Variants in KCNC2 observed in about 807,000 individuals in gnomAD.
KCNC2 encodes potassium voltage-gated channel subfamily C member 2.
KCNC2 carries 21 observed loss-of-function variants against 44.5 expected under a neutral mutation model. That is an observed-to-expected ratio of 0.47 (90% CI 0.33 to 0.68). The LOEUF (loss-of-function observed/expected upper bound fraction) is 0.68. Ranked by LOEUF, KCNC2 falls within the 30% of genes least tolerant of loss-of-function variation. The pLI, the probability that KCNC2 is intolerant of heterozygous loss-of-function variation, is 0.01. For missense variants in KCNC2, 589 were observed against 826.2 expected (o/e 0.71, Z 3.52); for synonymous variants, 391 against 339.1 (o/e 1.15, Z -1.68).
chr12:75,064,808 T>G (rs1256001514), intron 2 of KCNC2, among the ~76,000 whole-genome samples: 2 of 152,020 alleles, frequency 1.3e-5, no homozygotes, highest in African/African-American at 4.8e-5. Context: ...AATATTTTCT[T>G]TTTATTGTTT....
chr12:75,111,018 T>C (rs892059766), intron 2 of KCNC2, among the ~76,000 whole-genome samples: 11 of 152,156 alleles, frequency 7.2e-5, no homozygotes, highest in Non-Finnish European at 1.2e-4. Context: ...GAACTTACTT[T>C]TAATGCAATA....
intron 2 of KCNC2, among the ~76,000 whole-genome samples, chr12:75,180,893 T>C (rs1478030148): frequency 1.3e-5 from 2 of 152,110 alleles, no homozygotes; most frequent in Non-Finnish European, 2.9e-5. Flanking sequence ...TTTCAATGTC[T>C]TCCATAGTTA....
At position 75,050,607 on chromosome 12, in the gene KCNC2, G is replaced by T; in HGVS notation, c.1398C>A (p.Ala466=). The T allele has an allele frequency of 6.2e-7, 1 of 1,613,410 alleles. No homozygotes were observed. The highest frequency in any genetic ancestry group is 8.5e-7 in the Non-Finnish European group (1 of 1,179,746). Residue 466 remains alanine, a synonymous_variant, in exon 3 of 5, where the codon GCC becomes GCA. Coordinates refer to ENST00000549446, the MANE Select transcript of KCNC2 (RefSeq NM_139137.4). ...LCALAGVLTI[A]MPVPVIVNNF... ...TATTGACAATGACAGGCACTGGCAT[G>T]GCTATTGTCAGCACTCCAGCCAGAG...
At chr12:75,129,543 T>G (rs1888680770) in intron 2 of KCNC2, among the ~76,000 whole-genome samples, 1 of 152,194 alleles carries the variant, frequency 6.6e-6, no homozygotes, top group South Asian at 2.1e-4. Context: ...GTGTGTGTAT[T>G]CTTTTGGTTC....
intron 2 of KCNC2, among the ~76,000 whole-genome samples, chr12:75,065,075 A>G (rs919087050): frequency 1.3e-5 from 2 of 152,124 alleles, no homozygotes; most frequent in Non-Finnish European, 2.9e-5. Flanking sequence ...AGAAACAAGT[A>G]TCAGTGAATT....
At chr12:75,091,152 T>C (rs10879886) in intron 2 of KCNC2, among the ~76,000 whole-genome samples, 61,564 of 151,572 alleles carry the variant, frequency 0.41, 15,577 homozygotes, top group Non-Finnish European at 0.58. Context: ...CCAGACATAT[T>C]ACAATACCAA....
At chr12:75,096,591 G>T (rs1885944999) in intron 2 of KCNC2, among the ~76,000 whole-genome samples, 1 of 151,958 alleles carries the variant, frequency 6.6e-6, no homozygotes, top group Admixed American at 6.6e-5. Context: ...TCAGAAGAAA[G>T]ACTGAGTGAC....
rs139770019 is a variant in KCNC2 at position 75,169,734 on chromosome 12, G to A, written c.687+37563C>T. Reference sequence around the variant, plus strand: ...CTTAGAGAAATTTGACAAATAAAGGGGGAAAATAGACTCAGAGAACAAGAG... The same window carrying A: ...CTTAGAGAAATTTGACAAATAAAGGAGGAAAATAGACTCAGAGAACAAGAG... On this transcript the variant is annotated intron_variant, in intron 2 of 4. Coordinates refer to ENST00000549446, the MANE Select transcript of KCNC2 (RefSeq NM_139137.4). 3.8e-3 allele frequency among the ~76,000 whole-genome samples: 570 copies of A among 151,376 alleles called. 2 individuals carry two copies. The highest frequency in any genetic ancestry group is 6.7e-3 in the Non-Finnish European group (456 of 67,598).
intron 2 of KCNC2, among the ~76,000 whole-genome samples, chr12:75,068,589 T>C (rs760604995): frequency 6.6e-6 from 1 of 151,830 alleles, no homozygotes; most frequent in Non-Finnish European, 1.5e-5. Context: ...CTTATTCCTA[T>C]AGGAATTGTC....
chr12:75,041,787 C>T lies in KCNC2; in HGVS notation c.*1318G>A. ...CAAAAAGATTCACAGTGCCGATTAA[C>T]TTAGGTAGTCTACAGAGCATCATTA... On this transcript the variant is annotated 3_prime_UTR_variant, in exon 5 of 5. Coordinates refer to ENST00000549446, the MANE Select transcript of KCNC2 (RefSeq NM_139137.4). The T allele has an allele frequency of 1.1e-5, 11 of 991,182 alleles. No homozygotes were observed. The highest frequency in any genetic ancestry group is 1.3e-5 in the Non-Finnish European group (11 of 833,324). The allele number at this position is 991,182 out of a possible 1,614,324, so 61.4% of individuals were successfully genotyped here. A position where few individuals can be genotyped will look rare whatever the true frequency, so the allele number is the denominator to read the frequency against.
chr12:75,095,316 G>A (rs1339106303), intron 2 of KCNC2, among the ~76,000 whole-genome samples: 1 of 151,656 alleles, frequency 6.6e-6, no homozygotes, highest in Non-Finnish European at 1.5e-5. Flanking sequence ...GTTGCACAGG[G>A]CCCACACACA....
chr12:75,195,196 G>T (rs2030656207), intron 2 of KCNC2, among the ~76,000 whole-genome samples: 1 of 152,062 alleles, frequency 6.6e-6, no homozygotes, highest in Admixed American at 6.6e-5. Context: ...TATAAAGCCT[G>T]TATTTCTTGT....
intron 2 of KCNC2, among the ~76,000 whole-genome samples, chr12:75,082,597 T>C (rs1283367195): frequency 1.3e-5 from 2 of 151,232 alleles, no homozygotes; most frequent in Non-Finnish European, 1.5e-5. Context: ...AAATGTCCAC[T>C]GCAGTGCTGC....
chr12:75,100,802 A>G (rs1886314771), intron 2 of KCNC2, among the ~76,000 whole-genome samples: 1 of 152,008 alleles, frequency 6.6e-6, no homozygotes, highest in African/African-American at 2.4e-5. Flanking sequence ...ATTTCTACAG[A>G]TTTAGCTAGA....
At chr12:75,107,075 G>T (rs1212431801) in intron 2 of KCNC2, among the ~76,000 whole-genome samples, 1 of 151,902 alleles carries the variant, frequency 6.6e-6, no homozygotes, top group Non-Finnish European at 1.5e-5. Context: ...GGGGCTGAGG[G>T]GGGCAGATCA....
intron 2 of KCNC2, among the ~76,000 whole-genome samples, chr12:75,194,091 G>A (rs1488301148): frequency 6.6e-6 from 1 of 152,118 alleles, no homozygotes; most frequent in Non-Finnish European, 1.5e-5. Flanking sequence ...TATTGCAAAT[G>A]TGTTGTCAAA....
chr12:75,162,773 G>A (rs1429637133), intron 2 of KCNC2, among the ~76,000 whole-genome samples: 1 of 151,696 alleles, frequency 6.6e-6, no homozygotes, highest in Non-Finnish European at 1.5e-5. Flanking sequence ...CTTTGAGAGA[G>A]GTAACTTAAC....
intron 2 of KCNC2, among the ~76,000 whole-genome samples, chr12:75,138,910 G>A (rs1049072065): frequency 4.0e-5 from 6 of 149,282 alleles, no homozygotes; most frequent in Non-Finnish European, 8.9e-5. Context: ...GAACCCGGGA[G>A]GCGGAGCTTG....
intron 2 of KCNC2, among the ~76,000 whole-genome samples, chr12:75,158,211 T>C (rs1890887155): frequency 6.6e-6 from 1 of 151,892 alleles, no homozygotes; most frequent in Non-Finnish European, 1.5e-5. Flanking sequence ...TTGTGAAATA[T>C]AACAGTAATA....
Sources: gnomAD v4.1 joint callset for allele counts (sites outside exome capture counted in the v4.1 genomes callset) on GRCh38, gnomAD v4.1.1 for gene constraint, MANE v1.5 for transcripts, NCBI Gene and HGNC (gene_info 2026-07-23, HGNC 2026-07-21) for gene names.